The following COL5A1 variants were observed in gnomAD, a reference collection of about 807,000 sequenced individuals.
The protein encoded by COL5A1 is collagen alpha-1(V) chain.
COL5A1 carries 16 observed loss-of-function variants against 263.7 expected under a neutral mutation model. The ratio of observed to expected loss-of-function variants is 0.06; its 90% CI spans 0.04 to 0.09. The LOEUF (loss-of-function observed/expected upper bound fraction) is 0.09. Ranked by LOEUF, COL5A1 falls within the 10% of genes least tolerant of loss-of-function variation. The pLI is 1.00. For missense variants in COL5A1, 2,036 were observed against 2,540.5 expected (o/e 0.80, Z 4.27); for synonymous variants, 1,012 against 1,004.5 (o/e 1.01, Z -0.14).
intron 18 of COL5A1, among the ~76,000 whole-genome samples, chr9:134,760,883 A>G (rs1397100731): frequency 2.8e-5 from 4 of 144,926 alleles, no homozygotes; most frequent in Admixed American, 1.4e-4. Flanking sequence ...ACAGACGCAT[A>G]CATACCCACA....
At position 134,708,396 on chromosome 9, in the gene COL5A1, C is replaced by A. The variant is rs1391520123; in HGVS notation, c.654+7063C>A. 4 of 385,852 alleles carry A rather than the reference C, an allele frequency of 1.0e-5. No individual in the cohort carries two copies. In the Admixed American group the frequency reaches 1.3e-4, roughly 12 times the overall value. 23.9% of individuals were successfully genotyped at this position (385,852 alleles called of 1,614,324 possible). A position where few individuals can be genotyped will look rare whatever the true frequency, so the allele number is the denominator to read the frequency against. On this transcript the variant is annotated intron_variant, in intron 4 of 65. Transcript: ENST00000371817. ...TGCTGCTGCCTGGCCAGTGCGCCTG[C>A]CATTGCGGCTCAGAGCAACTCCCGG...
At chr9:134,706,361 G>T (rs1200947520) in intron 4 of COL5A1, among the ~76,000 whole-genome samples, 1 of 152,232 alleles carries the variant, frequency 6.6e-6, no homozygotes, top group Non-Finnish European at 1.5e-5. Context: ...AGTGCAGGAA[G>T]GTCTTTTTAT....
At chr9:134,721,077 CGT>C (rs1311889789) in intron 4 of COL5A1, among the ~76,000 whole-genome samples, 1 of 152,106 alleles carries the variant, frequency 6.6e-6, no homozygotes, top group East Asian at 1.9e-4. Context: ...TGTGGCTGCG[CGT>C]GAGTCAGGGA....
At chr9:134,829,675 A>T (rs536316707) in intron 63 of COL5A1, among the ~76,000 whole-genome samples, 1 of 143,308 alleles carries the variant, frequency 7.0e-6, no homozygotes, top group African/African-American at 2.7e-5. Context: ...CATGGCCTTC[A>T]GTCTCCCCAA....
chr9:134,815,553 GCTTC>G lies in COL5A1; in HGVS notation c.4015-18_4015-15del, dbSNP rs1360635637. On this transcript the variant is annotated intron_variant, in intron 50 of 65. Coordinates refer to ENST00000371817, the MANE Select transcript of COL5A1 (RefSeq NM_000093.5). The stretch of plus-strand genomic sequence containing the variant: ...AGTCAGGTTGCTGATGGCCTTGGCT[GCTTC>G]CTTCTTTCTTCCTTTCAGGGCCCAG... 2 of 1,611,446 alleles carry G rather than the reference GCTTC, an allele frequency of 1.2e-6. No homozygotes were observed. Among genetic ancestry groups the G allele is most frequent in the African/African-American group, 1.3e-5 (1 of 74,922 alleles).
intron 9 of COL5A1, among the ~76,000 whole-genome samples, chr9:134,733,272 C>T (rs1834970036): frequency 6.6e-6 from 1 of 152,214 alleles, no homozygotes; most frequent in East Asian, 1.9e-4. Context: ...TGGCACTTAG[C>T]AGGCCTTTAT....
intron 37 of COL5A1, among the ~76,000 whole-genome samples, chr9:134,800,243 T>A (rs10776906): frequency 0.49 from 74,137 of 152,058 alleles, 18,390 homozygotes; most frequent in East Asian, 0.78. Flanking sequence ...CGTGTTAACT[T>A]TGACATTAGC....
At chr9:134,722,879 T>C (rs1188461027) in intron 4 of COL5A1, among the ~76,000 whole-genome samples, 1 of 151,644 alleles carries the variant, frequency 6.6e-6, no homozygotes, top group Non-Finnish European at 1.5e-5. Context: ...CCTCAGCGGG[T>C]GGAGAGTGGG....
intron 27 of COL5A1, among the ~76,000 whole-genome samples, chr9:134,779,845 G>T (rs546304963): frequency 6.6e-6 from 1 of 152,330 alleles, no homozygotes; most frequent in Admixed American, 6.5e-5. Flanking sequence ...CGGGTCCAGA[G>T]CTTGGGCTGG....
intron 1 of COL5A1, among the ~76,000 whole-genome samples, chr9:134,674,654 G>C (rs1212256046): frequency 3.9e-5 from 6 of 152,182 alleles, no homozygotes; most frequent in Admixed American, 3.3e-4. Flanking sequence ...GGGAGGCCGA[G>C]GTGGGTGGAT....
chr9:134,701,218 T>C lies in COL5A1; in HGVS notation c.539T>C (p.Ile180Thr), dbSNP rs1833662205. ...GTCCACAAGAAAAATGTCACCTTGA[T>C]CCTCGACTGTAAAAAGAAGACCACC... ...LSVHKKNVTL[I>T]LDCKKKTTKF... is the part of the protein sequence containing the mutation. Residue 180 changes from isoleucine to threonine, a missense_variant, in exon 4 of 66, where the codon ATC (isoleucine) becomes ACC (threonine). By Grantham distance (89) the Ile-to-Thr change is moderately conservative. Transcript: ENST00000371817. 6.2e-7 allele frequency: 1 copy of C among 1,613,932 alleles called. No homozygotes were observed.
chr9:134,806,438 G>T lies in COL5A1; in HGVS notation c.3366+142G>T, dbSNP rs1465847500. ...TGGGGTGGGGTCTGCGGCCCTCTAG[G>T]ACAGAGCGTGTGTCCCATGGGAACC... is the stretch of plus-strand genomic sequence containing the variant. On this transcript the variant is annotated intron_variant, in intron 42 of 65. Transcript: ENST00000371817. 5 of 639,886 alleles carry T rather than the reference G, an allele frequency of 7.8e-6. No individual in the cohort carries two copies. The East Asian group carries it at 1.4e-4, about 18-fold the overall frequency. The allele number at this position is 639,886 out of a possible 1,614,324, so 39.6% of individuals were successfully genotyped here.
In COL5A1 at chr9:134,765,703, C is replaced by T. The variant is rs775102627; in HGVS notation, c.2057C>T (p.Pro686Leu). The T allele has an allele frequency of 5.6e-6, 9 of 1,613,642 alleles. No individual in the cohort carries two copies. The highest frequency in any genetic ancestry group is 2.7e-5 in the African/African-American group (2 of 75,050). ...CAGGGGCCACGTGGTCTGCTTGGGC[C>T]GAAGGGGCCCCCAGGTCCTCCCGGA... Reference protein sequence around the residue: ...GEPGPRGLLGPKGPPGPPGPP... With the variant: ...GEPGPRGLLGLKGPPGPPGPP... The change falls in exon 21 of 66, where the codon CCG (proline) becomes CTG (leucine). Residue 686 changes from proline (P) to leucine (L), a missense_variant. Pro to Leu is a moderately conservative substitution (Grantham distance 98). Transcript: ENST00000371817. The surrounding 1 kb of genome is among the most constrained non-coding windows in gnomAD (Gnocchi z 5.1).
At chr9:134,780,883 C>T (rs1837225450) in intron 28 of COL5A1, among the ~76,000 whole-genome samples, 2 of 152,262 alleles carry the variant, frequency 1.3e-5, no homozygotes, top group East Asian at 1.9e-4. Flanking sequence ...GTGCCACCCT[C>T]CCCACCGTGG....
At position 134,722,341 on chromosome 9, in the gene COL5A1, G is replaced by A. The variant is rs539106444; in HGVS notation, c.655-4925G>A. Among the ~76,000 whole-genome samples the A allele has an allele frequency of 9.2e-5, 14 of 152,330 alleles. No homozygotes were observed. In the South Asian group the frequency reaches 2.5e-3, roughly 27 times the overall value. On this transcript the variant is annotated intron_variant, in intron 4 of 65. Coordinates refer to ENST00000371817, the MANE Select transcript of COL5A1 (RefSeq NM_000093.5). ...GACACCTCAGGCTTTGTCCCGCTTCGTGGGTGTTCGTTACCTAGCCTTGGG... is the reference window on the plus strand; with the variant it reads ...GACACCTCAGGCTTTGTCCCGCTTCATGGGTGTTCGTTACCTAGCCTTGGG...
At chr9:134,654,610 AGGGTGTGTAGGGCTGG>A (rs1831863279) in intron 1 of COL5A1, among the ~76,000 whole-genome samples, 6 of 12,510 alleles carry the variant, frequency 4.8e-4, no homozygotes, top group African/African-American at 1.4e-3. Context: ...TGTAGGGCTG[AGGGTGTGTAGGGCTGG>A]GGGTGTGTAG....
chr9:134,695,776 C>G (rs939568999), intron 2 of COL5A1, among the ~76,000 whole-genome samples: 27 of 152,206 alleles, frequency 1.8e-4, no homozygotes, highest in African/African-American at 6.3e-4. Flanking sequence ...AACTTCACTT[C>G]TGGCCATGAC....
chr9:134,772,860 C>T, intron 26 of COL5A1, 26 bp downstream of exon 26: 2 of 1,612,298 alleles, frequency 1.2e-6, no homozygotes, highest in Non-Finnish European at 1.7e-6. Flanking sequence ...GCCCTCCTAC[C>T]CTTCAGCATC....
In COL5A1 at chr9:134,789,204, G is replaced by T. The variant is rs759338898; in HGVS notation, c.2696G>T (p.Gly899Val). 8 of 1,612,588 alleles carry T rather than the reference G, an allele frequency of 5.0e-6. No individual in the cohort carries two copies. In the Admixed American group the frequency reaches 1.0e-4, roughly 20 times the overall value. Reference protein sequence around the residue: ...GFPGANGEKGGRGTPGKPGPR... With the variant: ...GFPGANGEKGVRGTPGKPGPR... ...CCTGGCGCCAATGGAGAGAAGGGCG[G>T]CAGGGTAAGGATAGCCTGGCCCCTG... is the stretch of plus-strand genomic sequence containing the variant. Residue 899 changes from glycine to valine, a missense_variant, in exon 32 of 66, where the codon GGC becomes GTC. By Grantham distance (109) the Gly-to-Val change is moderately radical. Coordinates refer to ENST00000371817, the MANE Select transcript of COL5A1 (RefSeq NM_000093.5). This position sits in a 1 kb window ranked among gnomAD's most constrained non-coding sequence, Gnocchi z 4.8.
Sources: allele counts gnomAD v4.1 joint callset (sites outside exome capture counted in the v4.1 genomes callset), GRCh38; gene constraint gnomAD v4.1.1; non-coding constraint Gnocchi (gnomAD v3.1); transcripts MANE v1.5; gene names NCBI Gene and HGNC (gene_info 2026-07-23, HGNC 2026-07-21).